The following B3GALT1 variants were observed in gnomAD, a reference collection of about 807,000 sequenced individuals.
B3GALT1 encodes the protein beta-1,3-galactosyltransferase 1, also known as UDP-Gal:betaGlcNAc beta 1,3-galactosyltransferase, polypeptide 1.
A neutral mutation model predicts 23.2 loss-of-function variants in B3GALT1; 10 were observed. That is an observed-to-expected ratio of 0.43 (90% CI 0.27 to 0.73). The LOEUF (loss-of-function observed/expected upper bound fraction) is 0.73. Among genes scored for constraint, B3GALT1 ranks in the 30% least tolerant of loss-of-function variants. B3GALT1 has a pLI of 0.21. For missense variants in B3GALT1, 299 were observed against 405.4 expected (o/e 0.74, Z 2.25); for synonymous variants, 156 against 141.5 (o/e 1.10, Z -0.73).
chr2:167,400,162 A>ATGTGTG (rs1280272336), intron 1 of B3GALT1, among the ~76,000 whole-genome samples: 34 of 26,308 alleles, frequency 1.3e-3, no homozygotes, highest in Non-Finnish European at 4.0e-3. Context: ...TTTTACATCT[A>ATGTGTG]TGTCTGTGTG....
At chr2:167,495,887 A>G (rs1699776934) in intron 2 of B3GALT1, among the ~76,000 whole-genome samples, 1 of 152,216 alleles carries the variant, frequency 6.6e-6, no homozygotes, top group South Asian at 2.1e-4. Context: ...ATTTATTATT[A>G]ATGTTTATTA....
At chr2:167,749,168 A>G (rs1415300369) in intron 3 of B3GALT1, among the ~76,000 whole-genome samples, 3 of 152,220 alleles carry the variant, frequency 2.0e-5, no homozygotes, top group African/African-American at 7.2e-5. Flanking sequence ...CCTTTGCTTC[A>G]CAACCTTTTC....
At chr2:167,396,724 A>G (rs1244447201) in intron 1 of B3GALT1, among the ~76,000 whole-genome samples, 2 of 152,016 alleles carry the variant, frequency 1.3e-5, no homozygotes, top group Admixed American at 6.6e-5. Context: ...TGAGATGTGT[A>G]AGACCTAAGT....
rs930438360 is a variant in B3GALT1, at chr2:167,723,069, C to G, written c.-352+76103C>G. Among the ~76,000 whole-genome samples, 6 of 152,328 alleles carry G rather than the reference C, an allele frequency of 3.9e-5. No individual in the cohort carries two copies. In the South Asian group the frequency reaches 1.2e-3, roughly 32 times the overall value. On this transcript the variant is annotated intron_variant, in intron 3 of 4. Coordinates refer to ENST00000392690, the MANE Select transcript of B3GALT1 (RefSeq NM_020981.4). ...TTCTGTAAAATACCACTTAATATCA[C>G]TTAACTAGTGTCAGCAGTCACTATT...
chr2:167,805,513 A>G (rs1394647594), intron 3 of B3GALT1, among the ~76,000 whole-genome samples: 9 of 152,194 alleles, frequency 5.9e-5, no homozygotes. Context: ...TATAAGGTGT[A>G]AGGAAGAGAT....
intron 2 of B3GALT1, among the ~76,000 whole-genome samples, chr2:167,525,403 A>G (rs937492779): frequency 6.6e-6 from 1 of 152,086 alleles, no homozygotes; most frequent in African/African-American, 2.4e-5. Context: ...TTTATAAACA[A>G]TATTTTAATA....
In B3GALT1 at chr2:167,401,299, A is replaced by G. The variant is rs80323216; in HGVS notation, c.-510-88878A>G. ...CAGGATAACCTAAATTTTCAGCTCA[A>G]TTGGAGTTTGAAGAAAGCAAGAGAA... On this transcript the variant is annotated intron_variant, in intron 1 of 4. Transcript: ENST00000392690. 5.1e-3 allele frequency among the ~76,000 whole-genome samples: 775 copies of G among 152,188 alleles called. 8 individuals carry two copies. The highest frequency in any genetic ancestry group is 0.018 in the African/African-American group (740 of 41,540).
At chr2:167,809,285 A>G (rs3099476) in intron 3 of B3GALT1, among the ~76,000 whole-genome samples, 38,977 of 152,066 alleles carry the variant, frequency 0.26, 6,077 homozygotes, top group African/African-American at 0.43. Context: ...CTCTCAACTC[A>G]TCAAAGTCAT....
intron 4 of B3GALT1, among the ~76,000 whole-genome samples, chr2:167,854,896 C>A: frequency 6.6e-6 from 1 of 152,158 alleles, no homozygotes; most frequent in South Asian, 2.1e-4. Context: ...AAAATGAGTG[C>A]CTCATTGTAG....
intron 3 of B3GALT1, among the ~76,000 whole-genome samples, chr2:167,758,197 T>C (rs1206664424): frequency 6.6e-6 from 1 of 152,058 alleles, no homozygotes; most frequent in Non-Finnish European, 1.5e-5. Flanking sequence ...TATAACAATA[T>C]CCCAGGAGTC....
At chr2:167,636,050 A>G (rs1685547718) in intron 2 of B3GALT1, among the ~76,000 whole-genome samples, 1 of 152,048 alleles carries the variant, frequency 6.6e-6, no homozygotes, top group Non-Finnish European at 1.5e-5. Flanking sequence ...ATCTATAACC[A>G]TCTGATCTTT....
chr2:167,443,260 C>A (rs1698924144), intron 1 of B3GALT1, among the ~76,000 whole-genome samples: 1 of 152,104 alleles, frequency 6.6e-6, no homozygotes, highest in South Asian at 2.1e-4. Context: ...CAGTACCATG[C>A]TATTTTGGTT....
intron 1 of B3GALT1, among the ~76,000 whole-genome samples, chr2:167,427,265 GTA>G (rs1272732478): frequency 6.6e-6 from 1 of 152,140 alleles, no homozygotes; most frequent in Non-Finnish European, 1.5e-5. Context: ...GGTTGTGGAG[GTA>G]TACATAGGGT....
At chr2:167,790,201 T>C (rs1688410183) in intron 3 of B3GALT1, among the ~76,000 whole-genome samples, 1 of 152,208 alleles carries the variant, frequency 6.6e-6, no homozygotes, top group African/African-American at 2.4e-5. Flanking sequence ...TACTACCATG[T>C]CAGCCCCGCT....
At chr2:167,557,516 T>C (rs1026425041) in intron 2 of B3GALT1, among the ~76,000 whole-genome samples, 1 of 152,148 alleles carries the variant, frequency 6.6e-6, no homozygotes, top group Non-Finnish European at 1.5e-5. Context: ...AGAACAGTAT[T>C]TGGCAGGACA....
rs113925383 is a variant in B3GALT1, at chr2:167,305,526, T to G, written c.-511+12192T>G. On this transcript the variant is annotated intron_variant, in intron 1 of 4. Transcript: ENST00000392690. ...AGTGGAGTTGCTAATTTAAAATGTA[T>G]GTGTGCTTGTTCACTGTGAAAATGT... Among the ~76,000 whole-genome samples, 672 of 152,288 alleles carry G rather than the reference T, an allele frequency of 4.4e-3. 3 individuals carry two copies. The highest frequency in any genetic ancestry group is 0.015 in the African/African-American group (632 of 41,572).
intron 1 of B3GALT1, among the ~76,000 whole-genome samples, chr2:167,455,582 C>T (rs912158884): frequency 3.3e-5 from 5 of 152,112 alleles, no homozygotes; most frequent in Non-Finnish European, 5.9e-5. Context: ...GGTGCGATCT[C>T]GGCTCACTGC....
chr2:167,347,685 G>GTAGA (rs1363587311), intron 1 of B3GALT1, among the ~76,000 whole-genome samples: 5 of 152,160 alleles, frequency 3.3e-5, no homozygotes, highest in Non-Finnish European at 7.4e-5. Flanking sequence ...TATATAAAGT[G>GTAGA]TAGATCGGAT....
intron 3 of B3GALT1, among the ~76,000 whole-genome samples, chr2:167,803,081 AACACAC>A (rs71940853): frequency 5.8e-4 from 82 of 141,460 alleles, no homozygotes; most frequent in East Asian, 1.5e-3. Context: ...GACCCTAACA[AACACAC>A]ACACACACAC....
Sources: allele counts gnomAD v4.1 joint callset (sites outside exome capture counted in the v4.1 genomes callset), GRCh38; gene constraint gnomAD v4.1.1; transcripts MANE v1.5; gene names NCBI Gene and HGNC (gene_info 2026-07-23, HGNC 2026-07-21).